Variants in WDR72 observed in about 807,000 individuals in gnomAD.
WDR72 encodes WD repeat-containing protein 72.
In WDR72, 120 loss-of-function variants were observed where a neutral mutation model predicts 124.2. That is an observed-to-expected ratio of 0.97 (90% CI 0.83 to 1.12). WDR72 has a LOEUF of 1.12. WDR72 is among the 50% of genes most tolerant of loss of function. WDR72 has a pLI of 0.00. For synonymous variants in WDR72, 452 were observed against 441.7 expected (o/e 1.02, Z -0.29); for missense variants, 1,387 against 1,278.8 (o/e 1.08, Z -1.29).
chr15:53,605,576 C>T (rs4387549), intron 17 of WDR72, among the ~76,000 whole-genome samples: 44,156 of 152,124 alleles, frequency 0.29, 7,733 homozygotes, highest in Middle Eastern at 0.54. Flanking sequence ...TGAGGATAGC[C>T]GGGCATGGTG....
intron 14 of WDR72, among the ~76,000 whole-genome samples, chr15:53,625,420 G>C (rs2014165079): frequency 6.6e-6 from 1 of 152,176 alleles, no homozygotes; most frequent in African/African-American, 2.4e-5. Flanking sequence ...GTTGAGAAAA[G>C]AGAGAAGGTA....
chr15:53,726,069 C>G (rs1165529304), intron 2 of WDR72, among the ~76,000 whole-genome samples: 2 of 146,946 alleles, frequency 1.4e-5, no homozygotes, highest in East Asian at 4.0e-4. Flanking sequence ...GAGAGTTCAT[C>G]TCAAGAAAAA....
intron 1 of WDR72, among the ~76,000 whole-genome samples, chr15:53,736,485 C>G (rs1211849160): frequency 6.6e-6 from 1 of 152,156 alleles, no homozygotes; most frequent in African/African-American, 2.4e-5. Flanking sequence ...ATGAGCCTAA[C>G]AGGGGTGAGG....
intron 18 of WDR72, among the ~76,000 whole-genome samples, chr15:53,554,721 G>A (rs1003500551): frequency 2.0e-5 from 3 of 152,120 alleles, no homozygotes; most frequent in Non-Finnish European, 4.4e-5. Flanking sequence ...TGAGTTTACA[G>A]GGAGTGAGGA....
At chr15:53,679,579 A>G (rs1165619703) in intron 13 of WDR72, among the ~76,000 whole-genome samples, 1 of 152,174 alleles carries the variant, frequency 6.6e-6, no homozygotes, top group African/African-American at 2.4e-5. Flanking sequence ...TGGCAGAGTG[A>G]TTGCAGACAA....
chr15:53,565,721 T>TTAGC (rs2140298927), intron 18 of WDR72, among the ~76,000 whole-genome samples: 1 of 151,934 alleles, frequency 6.6e-6, no homozygotes, highest in South Asian at 2.1e-4. Flanking sequence ...ATATAAAGAA[T>TTAGC]TAGCTAGTAC....
intron 18 of WDR72, among the ~76,000 whole-genome samples, chr15:53,527,813 G>A (rs1409235890): frequency 6.6e-6 from 1 of 151,974 alleles, no homozygotes; most frequent in Non-Finnish European, 1.5e-5. Flanking sequence ...CTAAAAGATA[G>A]CTCAGGCCTG....
intron 18 of WDR72, among the ~76,000 whole-genome samples, chr15:53,561,881 G>A (rs1894135770): frequency 1.3e-5 from 2 of 151,828 alleles, no homozygotes; most frequent in Admixed American, 1.3e-4. Flanking sequence ...CCAGAGATGG[G>A]ACCACCACTG....
chr15:53,656,274 C>T (rs1055827850), intron 14 of WDR72, among the ~76,000 whole-genome samples: 9 of 152,024 alleles, frequency 5.9e-5, no homozygotes, highest in African/African-American at 1.7e-4. Context: ...AATAAATAAA[C>T]GTCATTTGGA....
intron 7 of WDR72, among the ~76,000 whole-genome samples, chr15:53,712,439 T>A (rs544246143): frequency 2.6e-5 from 4 of 152,104 alleles, no homozygotes; most frequent in African/African-American, 7.2e-5. Flanking sequence ...CTCCTAAAAA[T>A]ACAAAACTTA....
intron 3 of WDR72, among the ~76,000 whole-genome samples, chr15:53,721,104 G>A (rs2140573444): frequency 6.6e-6 from 1 of 152,250 alleles, no homozygotes; most frequent in East Asian, 1.9e-4. Context: ...GTATCTTATA[G>A]ATACAGCATA....
chr15:53,590,800 T>C (rs1386864633), intron 18 of WDR72, among the ~76,000 whole-genome samples: 1 of 152,088 alleles, frequency 6.6e-6, no homozygotes, highest in Non-Finnish European at 1.5e-5. Flanking sequence ...CATTGCTGTG[T>C]GGATTAAATA....
Position 53,609,573 on chromosome 15 carries a change from T to G in WDR72, c.2892A>C (p.Val964=). 6.2e-7 allele frequency: 1 copy of G among 1,613,462 alleles called. No homozygotes were observed. The highest frequency in any genetic ancestry group is 8.5e-7 in the Non-Finnish European group (1 of 1,179,586). The change falls in exon 17 of 20, where the codon GTA becomes GTC. Residue 964 remains valine (V), a synonymous_variant. Coordinates refer to ENST00000360509, the MANE Select transcript of WDR72 (RefSeq NM_182758.4). The stretch of plus-strand genomic sequence containing the variant: ...TCAAAAGTGAAAGGTCAGCCTCAGG[T>G]ACATGGGATTCATTCTTACCTAGAA... The part of the protein sequence containing the change: ...CLRNGKNESH[V]PEADLSLLKL...
intron 16 of WDR72, among the ~76,000 whole-genome samples, chr15:53,610,149 T>C (rs1216414345): frequency 6.6e-6 from 1 of 152,128 alleles, no homozygotes; most frequent in Admixed American, 6.6e-5. Flanking sequence ...CATTCTGTTA[T>C]GTATTATTTC....
chr15:53,515,665 A>C lies in WDR72; in HGVS notation c.*2034T>G. On this transcript the variant is annotated 3_prime_UTR_variant, in exon 20 of 20. Coordinates refer to ENST00000360509, the MANE Select transcript of WDR72 (RefSeq NM_182758.4). The stretch of plus-strand genomic sequence containing the variant: ...CTAACATGCGATGCCGAAAAATCCT[A>C]ACATTTCCACTTAGTAATGTCAGGG... 6.6e-6 allele frequency: 1 copy of C among 152,186 alleles called. No individual in the cohort carries two copies. Among genetic ancestry groups the C allele is most frequent in the Non-Finnish European group, 1.5e-5 (1 of 68,022 alleles). The allele number at this position is 152,186 out of a possible 1,614,324, so 9.4% of individuals were successfully genotyped here.
intron 13 of WDR72, among the ~76,000 whole-genome samples, chr15:53,677,554 T>A (rs1298746641): frequency 1.3e-5 from 2 of 152,170 alleles, no homozygotes; most frequent in African/African-American, 4.8e-5. Context: ...GTCAGGTCTT[T>A]CCTGTGCTGT....
intron 18 of WDR72, among the ~76,000 whole-genome samples, chr15:53,548,345 C>A (rs1893578296): frequency 6.6e-6 from 1 of 152,152 alleles, no homozygotes; most frequent in African/African-American, 2.4e-5. Flanking sequence ...ATAAACAGGG[C>A]AGGCCTGATG....
At chr15:53,719,455 T>C (rs2140568636) in intron 3 of WDR72, among the ~76,000 whole-genome samples, 1 of 152,344 alleles carries the variant, frequency 6.6e-6, no homozygotes, top group Non-Finnish European at 1.5e-5. Context: ...AGCGGTTTAC[T>C]TCAGCTCTAT....
chr15:53,644,904 G>C (rs910820174), intron 14 of WDR72, among the ~76,000 whole-genome samples: 3 of 152,072 alleles, frequency 2.0e-5, no homozygotes, highest in Admixed American at 1.3e-4. Flanking sequence ...GGGCCACTAC[G>C]CATCTTGGGT....
Sources: allele counts gnomAD v4.1 joint callset (sites outside exome capture counted in the v4.1 genomes callset), GRCh38; gene constraint gnomAD v4.1.1; transcripts MANE v1.5; gene names NCBI Gene and HGNC (gene_info 2026-07-23, HGNC 2026-07-21).